Variants in FBXL17 observed in about 807,000 individuals in gnomAD.
FBXL17 encodes F-box and leucine rich repeat protein 17, also known as F-box/LRR-repeat protein 17.
In FBXL17, 22 loss-of-function variants were observed where a neutral mutation model predicts 66.2. The ratio of observed to expected loss-of-function variants is 0.33; its 90% CI spans 0.24 to 0.47. The LOEUF is 0.47. Among genes scored for constraint, FBXL17 ranks in the 20% least tolerant of loss-of-function variants. The probability of loss-of-function intolerance (pLI) is 1.00; values close to 1 mark genes in which losing one functional copy is unlikely to be tolerated. For synonymous variants in FBXL17, 474 were observed against 400.5 expected, an observed-to-expected ratio of 1.18 and a Z score of -2.19; for missense variants, 878 against 948.2, an observed-to-expected ratio of 0.93 and a Z score of 0.97.
At chr5:108,373,407 T>TTA (rs1749199474) in intron 1 of FBXL17, among the ~76,000 whole-genome samples, 1 of 136,438 alleles carries the variant, frequency 7.3e-6, no homozygotes, top group South Asian at 2.1e-4. Context: ...TTTAGATATG[T>TTA]TATATTTATT....
intron 7 of FBXL17, among the ~76,000 whole-genome samples, chr5:107,914,825 G>A (rs1750074173): frequency 1.3e-5 from 2 of 152,182 alleles, no homozygotes; most frequent in South Asian, 4.1e-4. Flanking sequence ...GAAAAACAGA[G>A]CTGAAGCCTG....
At chr5:108,313,257 C>T (rs1449272534) in intron 4 of FBXL17, among the ~76,000 whole-genome samples, 1 of 152,120 alleles carries the variant, frequency 6.6e-6, no homozygotes, top group Non-Finnish European at 1.5e-5. Flanking sequence ...CCAGTGATCA[C>T]AACTTCTCTG....
chr5:107,930,391 T>A (rs192629913), intron 7 of FBXL17, among the ~76,000 whole-genome samples: 28 of 152,352 alleles, frequency 1.8e-4, no homozygotes, highest in South Asian at 4.1e-4. Context: ...TCTTCAGGCC[T>A]GTACTTTGAC....
At chr5:107,968,026 G>A (rs1401848692) in intron 7 of FBXL17, among the ~76,000 whole-genome samples, 1 of 152,040 alleles carries the variant, frequency 6.6e-6, no homozygotes, top group Non-Finnish European at 1.5e-5. Context: ...GGACAAAACT[G>A]TACATATTTA....
At chr5:108,200,742 T>C (rs1340396287) in intron 5 of FBXL17, among the ~76,000 whole-genome samples, 2 of 151,290 alleles carry the variant, frequency 1.3e-5, no homozygotes, top group African/African-American at 4.9e-5. Context: ...ATACAATCAA[T>C]TGAACAGAAG....
At chr5:107,867,310 G>A (rs1056911410) in intron 8 of FBXL17, among the ~76,000 whole-genome samples, 8 of 152,210 alleles carry the variant, frequency 5.3e-5, no homozygotes, top group African/African-American at 1.9e-4. Flanking sequence ...GCTCATGATG[G>A]TAGTTTAACA....
chr5:107,909,611 C>G (rs1749882961), intron 7 of FBXL17, among the ~76,000 whole-genome samples: 1 of 152,108 alleles, frequency 6.6e-6, no homozygotes, highest in South Asian at 2.1e-4. Flanking sequence ...GTAGCAAAAT[C>G]TTACTTTTCT....
chr5:108,298,962 T>C, intron 4 of FBXL17: 1 of 963,024 alleles, frequency 1.0e-6, no homozygotes, highest in Non-Finnish European at 1.2e-6. Flanking sequence ...TCATATATAG[T>C]GCCAGCATTT....
intron 3 of FBXL17, among the ~76,000 whole-genome samples, chr5:108,356,497 T>C (rs567705672): frequency 3.1e-4 from 47 of 152,166 alleles, no homozygotes; most frequent in African/African-American, 1.0e-3. Flanking sequence ...TATTCATTGC[T>C]AAAAATAAAT....
chr5:108,306,804 T>C (rs571898081), intron 4 of FBXL17, among the ~76,000 whole-genome samples: 1 of 152,110 alleles, frequency 6.6e-6, no homozygotes, highest in South Asian at 2.1e-4. Context: ...AAACTGAACC[T>C]TCATATTCTC....
chr5:108,017,184 A>G (rs1754421581), intron 7 of FBXL17, among the ~76,000 whole-genome samples: 1 of 152,192 alleles, frequency 6.6e-6, no homozygotes, highest in Non-Finnish European at 1.5e-5. Context: ...GGGAGCAATG[A>G]GAAAATTATC....
At chr5:108,241,461 C>T (rs1234161037) in intron 4 of FBXL17, among the ~76,000 whole-genome samples, 2 of 146,704 alleles carry the variant, frequency 1.4e-5, no homozygotes, top group African/African-American at 5.0e-5. Context: ...AACAAAGGAA[C>T]AAAGAAAAAA....
At chr5:107,933,961 T>C (rs182014476) in intron 7 of FBXL17, among the ~76,000 whole-genome samples, 45 of 152,218 alleles carry the variant, frequency 3.0e-4, no homozygotes, top group African/African-American at 7.0e-4. Context: ...GAGATGACCA[T>C]TGTGGCTCCT....
chr5:107,951,355 T>A (rs1178630117), intron 7 of FBXL17, among the ~76,000 whole-genome samples: 1 of 152,252 alleles, frequency 6.6e-6, no homozygotes, highest in Non-Finnish European at 1.5e-5. Context: ...TAAAACGTTT[T>A]ATTTATGTGT....
At chr5:108,074,044 C>T (rs1330849954) in intron 6 of FBXL17, among the ~76,000 whole-genome samples, 1 of 152,200 alleles carries the variant, frequency 6.6e-6, no homozygotes, top group Non-Finnish European at 1.5e-5. Context: ...ACCTGATTTA[C>T]CACCATTACC....
chr5:108,004,168 C>T (rs1255664987), intron 7 of FBXL17, among the ~76,000 whole-genome samples: 1 of 152,078 alleles, frequency 6.6e-6, no homozygotes, highest in Non-Finnish European at 1.5e-5. Context: ...CTTCAAAATA[C>T]ACACAAAAAA....
chr5:108,038,003 T>C (rs1006221267), intron 6 of FBXL17, among the ~76,000 whole-genome samples: 2 of 152,136 alleles, frequency 1.3e-5, no homozygotes, highest in Non-Finnish European at 2.9e-5. Context: ...ACATATGGAA[T>C]GGCACCATAA....
chr5:108,368,095 A>G (rs1455205290), intron 1 of FBXL17, 142 bp from the exon 2 acceptor site: 3 of 743,370 alleles, frequency 4.0e-6, no homozygotes, highest in Non-Finnish European at 6.4e-6. Flanking sequence ...AGTCACCGTA[A>G]GAGATCACCT....
chr5:108,167,099 C>T (rs1392983097), intron 6 of FBXL17, among the ~76,000 whole-genome samples: 3 of 151,864 alleles, frequency 2.0e-5, no homozygotes, highest in Non-Finnish European at 4.4e-5. Context: ...AATTTGAATG[C>T]ACTTTGTCCA....
Sources: gnomAD v4.1 joint callset for allele counts (sites outside exome capture counted in the v4.1 genomes callset) on GRCh38, gnomAD v4.1.1 for gene constraint, MANE v1.5 for transcripts, NCBI Gene and HGNC (gene_info 2026-07-23, HGNC 2026-07-21) for gene names.